ZSWIM6: variants seen among roughly 807,000 people sequenced by gnomAD.
ZSWIM6 encodes zinc finger SWIM domain-containing protein 6.
A neutral mutation model predicts 113.2 loss-of-function variants in ZSWIM6; 9 were observed. The ratio of observed to expected loss-of-function variants is 0.08; its 90% CI spans 0.05 to 0.14. The LOEUF is 0.14. Among genes scored for constraint, ZSWIM6 ranks in the 10% least tolerant of loss-of-function variants. The probability of loss-of-function intolerance (pLI) is 1.00; values close to 1 mark genes in which losing one functional copy is unlikely to be tolerated. For missense variants in ZSWIM6, 1,162 were observed against 1,552.2 expected, an observed-to-expected ratio of 0.75 and a Z score of 4.22; for synonymous variants, 611 against 606.5, an observed-to-expected ratio of 1.01 and a Z score of -0.11.
chr5:61,349,967 C>A (rs891787600), intron 1 of ZSWIM6, among the ~76,000 whole-genome samples: 1 of 152,188 alleles, frequency 6.6e-6, no homozygotes, highest in African/African-American at 2.4e-5. Flanking sequence ...ATGACACTGT[C>A]TAATTAATAG....
intron 1 of ZSWIM6, among the ~76,000 whole-genome samples, chr5:61,356,700 TTATA>T (rs1315996695): frequency 7.6e-6 from 1 of 131,798 alleles, no homozygotes; most frequent in African/African-American, 2.8e-5. Context: ...TATACATATT[TTATA>T]TATATAATAT....
In ZSWIM6 at chr5:61,545,167, G is replaced by A. The variant is rs1397422726; in HGVS notation, c.*850G>A. Reference sequence around the variant, plus strand: ...GCTCAGGTGGTGAACTTCATGCTGGGCATCTATGCAGAGCCACCTTTTGGA... The same window carrying A: ...GCTCAGGTGGTGAACTTCATGCTGGACATCTATGCAGAGCCACCTTTTGGA... On this transcript the variant is annotated 3_prime_UTR_variant, in exon 14 of 14. Transcript: ENST00000252744. 1 of 151,906 alleles carries A rather than the reference G, an allele frequency of 6.6e-6. No individual in the cohort carries two copies. The highest frequency in any genetic ancestry group is 1.5e-5 in the Non-Finnish European group (1 of 67,974). 9.4% of individuals were successfully genotyped at this position (151,906 alleles called of 1,614,324 possible).
chr5:61,427,901 ACTT>A (rs1243349561), intron 1 of ZSWIM6, among the ~76,000 whole-genome samples: 1 of 152,094 alleles, frequency 6.6e-6, no homozygotes, highest in Non-Finnish European at 1.5e-5. Flanking sequence ...AAATTGTCAA[ACTT>A]CTTATATTTA....
chr5:61,443,589 C>CA (rs1470693614), intron 1 of ZSWIM6, among the ~76,000 whole-genome samples: 2 of 152,106 alleles, frequency 1.3e-5, no homozygotes, highest in Non-Finnish European at 2.9e-5. Flanking sequence ...TGTCAAATGT[C>CA]AGAGGTTTAC....
intron 2 of ZSWIM6, among the ~76,000 whole-genome samples, chr5:61,484,769 C>A (rs1747970451): frequency 1.3e-5 from 2 of 152,144 alleles, no homozygotes; most frequent in Admixed American, 1.3e-4. Flanking sequence ...TTAAATATTT[C>A]TTTGCTTTAG....
chr5:61,391,932 G>A (rs908393782), intron 1 of ZSWIM6: 10 of 545,224 alleles, frequency 1.8e-5, no homozygotes, highest in Non-Finnish European at 2.9e-5. Context: ...TTTGAGCCAG[G>A]GATCCTCTTT....
At chr5:61,478,929 G>A (rs1580019224) in intron 2 of ZSWIM6, among the ~76,000 whole-genome samples, 2 of 152,170 alleles carry the variant, frequency 1.3e-5, no homozygotes, top group South Asian at 4.1e-4. Context: ...TTGGGACTTT[G>A]GGAGGCCAAG....
At chr5:61,445,398 CTATT>C (rs1028295557) in intron 1 of ZSWIM6, among the ~76,000 whole-genome samples, 3 of 152,154 alleles carry the variant, frequency 2.0e-5, no homozygotes, top group African/African-American at 7.2e-5. Flanking sequence ...GTACTGACAA[CTATT>C]TAGGTAACTT....
intron 1 of ZSWIM6, among the ~76,000 whole-genome samples, chr5:61,394,680 T>C (rs1198160461): frequency 6.6e-6 from 1 of 152,134 alleles, no homozygotes; most frequent in African/African-American, 2.4e-5. Context: ...GATTCAGTAA[T>C]GGCAAATGAA....
intron 5 of ZSWIM6, 117 bp from the exon 6 acceptor site, chr5:61,525,683 G>A (rs971150044): frequency 4.2e-6 from 5 of 1,199,358 alleles, no homozygotes; most frequent in Non-Finnish European, 5.9e-6. Flanking sequence ...TCTGCTTAGG[G>A]GGTGCAGGAC....
At chr5:61,362,801 T>C (rs1745057779) in intron 1 of ZSWIM6, among the ~76,000 whole-genome samples, 1 of 152,160 alleles carries the variant, frequency 6.6e-6, no homozygotes, top group Admixed American at 6.5e-5. Flanking sequence ...TTATATCTGT[T>C]TAGGTCTGGC....
chr5:61,339,312 G>A lies in ZSWIM6; in HGVS notation c.676+6364G>A, dbSNP rs573512946. Among the ~76,000 whole-genome samples the A allele has an allele frequency of 1.2e-4, 19 of 152,198 alleles. No individual in the cohort carries two copies. The East Asian group carries it at 3.5e-3, about 28-fold the overall frequency. On this transcript the variant is annotated intron_variant, in intron 1 of 13. Coordinates refer to ENST00000252744, the MANE Select transcript of ZSWIM6 (RefSeq NM_020928.2). ...TCCCAGCTACTCAGGAGGCTGAGGC[G>A]GGAGAATCGCTTGAACCTGGGAGGT... is the stretch of plus-strand genomic sequence containing the variant.
intron 2 of ZSWIM6, among the ~76,000 whole-genome samples, chr5:61,478,415 A>C (rs1747764485): frequency 6.6e-6 from 1 of 152,172 alleles, no homozygotes; most frequent in Non-Finnish European, 1.5e-5. Context: ...TCATATTCTG[A>C]GACATTTTTC....
At chr5:61,539,507 G>GT (rs1465323289) in intron 11 of ZSWIM6, 89 bp from the exon 12 acceptor site, 1 of 1,378,646 alleles carries the variant, frequency 7.3e-7, no homozygotes, top group Non-Finnish European at 9.6e-7. Flanking sequence ...CCCCCTCTGT[G>GT]TGTGTGTATG....
chr5:61,470,608 T>C (rs1405967064), intron 1 of ZSWIM6, among the ~76,000 whole-genome samples: 1 of 152,282 alleles, frequency 6.6e-6, no homozygotes, highest in East Asian at 1.9e-4. Context: ...TACTCTTTCT[T>C]TAATTGTGGT....
rs563022405 is a variant in ZSWIM6, at chr5:61,397,551, C to CT, written c.676+64614dup. ...GTGACAGCCAAGTAGTTGTGAGTGA[C>CT]TTTTTTTTTTTAAGAGGCAGTTTAC... On this transcript the variant is annotated intron_variant, in intron 1 of 13. Coordinates refer to ENST00000252744, the MANE Select transcript of ZSWIM6 (RefSeq NM_020928.2). Among the ~76,000 whole-genome samples, 185 of 146,822 alleles carry CT rather than the reference C, an allele frequency of 1.3e-3. No homozygotes were observed. In the Middle Eastern group the frequency reaches 0.024, roughly 19 times the overall value.
At chr5:61,488,531 T>C (rs1245015592) in intron 2 of ZSWIM6, among the ~76,000 whole-genome samples, 1 of 152,018 alleles carries the variant, frequency 6.6e-6, no homozygotes, top group Non-Finnish European at 1.5e-5. Context: ...GATTCAGTGT[T>C]GCCACTCATT....
chr5:61,474,119 T>C (rs1035187551), intron 2 of ZSWIM6, among the ~76,000 whole-genome samples: 1 of 152,216 alleles, frequency 6.6e-6, no homozygotes, highest in African/African-American at 2.4e-5. Flanking sequence ...TCTCTTCCCT[T>C]GGTAACCACT....
intron 1 of ZSWIM6, among the ~76,000 whole-genome samples, chr5:61,444,941 G>A (rs1025054235): frequency 2.6e-5 from 4 of 152,134 alleles, no homozygotes; most frequent in Non-Finnish European, 4.4e-5. Flanking sequence ...TCGGACCTAC[G>A]AGTCAAAGCC....
Sources: gnomAD v4.1 joint callset for allele counts (sites outside exome capture counted in the v4.1 genomes callset) on GRCh38, gnomAD v4.1.1 for gene constraint, MANE v1.5 for transcripts, NCBI Gene and HGNC (gene_info 2026-07-23, HGNC 2026-07-21) for gene names.